SCML4: variants seen among roughly 807,000 people sequenced by gnomAD.
SCML4 encodes sex comb on midleg-like protein 4.
SCML4 carries 34 observed loss-of-function variants against 41.1 expected under a neutral mutation model. The observed-to-expected ratio is 0.83, with a 90% CI of 0.63 to 1.10. The LOEUF is 1.10. Ranked by LOEUF, SCML4 falls within the 50% of genes least tolerant of loss-of-function variation. The probability of loss-of-function intolerance (pLI) is 0.00; values close to 1 mark genes in which losing one functional copy is unlikely to be tolerated. For missense variants in SCML4, 522 were observed against 534.1 expected, an observed-to-expected ratio of 0.98 and a Z score of 0.22; for synonymous variants, 214 against 220.9, an observed-to-expected ratio of 0.97 and a Z score of 0.28.
intron 1 of SCML4, among the ~76,000 whole-genome samples, chr6:107,773,258 C>A (rs552667866): frequency 2.0e-5 from 3 of 152,230 alleles, no homozygotes; most frequent in African/African-American, 7.2e-5. Context: ...ATACCACACA[C>A]ACTACAATAA....
chr6:107,720,933 A>G lies in SCML4; in HGVS notation c.743T>C (p.Val248Ala). The stretch of plus-strand genomic sequence containing the variant: ...GTTAAAGGTGGAGGCGGAGGTGTCC[A>G]CGCTGTAGCGGTTCATGCCCACAGG... ...VNPVGMNRYS[V>A]DTSASTFNHR... The change falls in exon 6 of 8, where the codon GTG becomes GCG. Residue 248 changes from valine to alanine, a missense_variant. Physicochemically the swap from Val to Ala is moderately conservative, Grantham distance 64 (BLOSUM62 0). Coordinates refer to ENST00000369020, the MANE Select transcript of SCML4 (RefSeq NM_198081.5). The G allele has an allele frequency of 6.2e-7, 1 of 1,614,004 alleles. No individual in the cohort carries two copies. The highest frequency in any genetic ancestry group is 8.5e-7 in the Non-Finnish European group (1 of 1,179,942).
chr6:107,840,017 A>G, the SCML4 span, among the ~76,000 whole-genome samples: 1 of 152,250 alleles, frequency 6.6e-6, no homozygotes, highest in African/African-American at 2.4e-5. Flanking sequence ...CTTTTTACTC[A>G]TAATAAAAAT....
chr6:107,802,711 T>C (rs1183890125), intron 1 of SCML4, among the ~76,000 whole-genome samples: 111 of 128,146 alleles, frequency 8.7e-4, no homozygotes, highest in African/African-American at 3.9e-3. Context: ...CTCTCCCTCC[T>C]CTCCCTCTCC....
chr6:107,795,062 A>C (rs183034092), intron 1 of SCML4, among the ~76,000 whole-genome samples: 2 of 152,320 alleles, frequency 1.3e-5, no homozygotes, highest in African/African-American at 4.8e-5. Flanking sequence ...CCATTTCCAA[A>C]TAAGTTCACC....
intron 2 of SCML4, among the ~76,000 whole-genome samples, chr6:107,762,613 A>G (rs1434228702): frequency 6.6e-6 from 1 of 152,174 alleles, no homozygotes; most frequent in African/African-American, 2.4e-5. Flanking sequence ...GGAAATATGG[A>G]CGGAGAGGCA....
chr6:107,831,411 C>CCAAAAAAA, the SCML4 span, among the ~76,000 whole-genome samples: 4 of 107,494 alleles, frequency 3.7e-5, 1 homozygote, highest in Non-Finnish European at 5.5e-5. Flanking sequence ...TTTTCATTCT[C>CCAAAAAAA]AAAAAAAAAA....
At chr6:107,759,068 C>G (rs897823137) in intron 2 of SCML4, among the ~76,000 whole-genome samples, 1 of 138,294 alleles carries the variant, frequency 7.2e-6, no homozygotes, top group Non-Finnish European at 1.5e-5. Context: ...AAGAGGGTCA[C>G]TTGAGCTCAT....
upstream of SCML4, among the ~76,000 whole-genome samples, chr6:107,825,690 C>T (rs1241421015): frequency 1.1e-4 from 17 of 152,002 alleles, no homozygotes; most frequent in African/African-American, 2.4e-5. Context: ...CCTGTAATCC[C>T]AGCACTTTGG....
At chr6:107,827,653 G>C (rs1401683946), upstream of SCML4, among the ~76,000 whole-genome samples, 1 of 152,138 alleles carries the variant, frequency 6.6e-6, no homozygotes, top group African/African-American at 2.4e-5. Flanking sequence ...AGGGTGCTTA[G>C]GTTGTGCCAC....
intron 2 of SCML4, among the ~76,000 whole-genome samples, chr6:107,759,726 A>T (rs1473973904): frequency 6.6e-6 from 1 of 152,182 alleles, no homozygotes; most frequent in Non-Finnish European, 1.5e-5. Flanking sequence ...TAAGTTTCAA[A>T]ACATTCCTTC....
At chr6:107,787,310 A>T (rs1305070458) in intron 1 of SCML4, among the ~76,000 whole-genome samples, 1 of 152,164 alleles carries the variant, frequency 6.6e-6, no homozygotes, top group African/African-American at 2.4e-5. Flanking sequence ...TTTTTTGAAG[A>T]TTGCTAAAGA....
At chr6:107,782,346 G>A (rs749045971) in intron 1 of SCML4, among the ~76,000 whole-genome samples, 2 of 151,732 alleles carry the variant, frequency 1.3e-5, no homozygotes, top group Non-Finnish European at 3.0e-5. Flanking sequence ...CATCAGGCCT[G>A]CTTGTTGGGG....
the SCML4 span, among the ~76,000 whole-genome samples, chr6:107,845,894 C>T: frequency 1.3e-5 from 2 of 152,186 alleles, no homozygotes; most frequent in South Asian, 2.1e-4. Flanking sequence ...AACTCAGGTG[C>T]CACACGTGTT....
At chr6:107,748,690 A>C (rs937807052) in intron 3 of SCML4, among the ~76,000 whole-genome samples, 39 of 152,224 alleles carry the variant, frequency 2.6e-4, no homozygotes, top group Non-Finnish European at 5.1e-4. Context: ...CCCTGCCTTC[A>C]CAGAGCCTAC....
chr6:107,751,000 T>C (rs965241376), intron 2 of SCML4, among the ~76,000 whole-genome samples: 3 of 152,246 alleles, frequency 2.0e-5, no homozygotes, highest in Non-Finnish European at 2.9e-5. Flanking sequence ...CCAGTCATTC[T>C]ATATTCACTC....
chr6:107,702,195 AT>A lies in SCML4; in HGVS notation c.*3004del, dbSNP rs976707532. On this transcript the variant is annotated 3_prime_UTR_variant, in exon 8 of 8. Transcript: ENST00000369020. ...CAGCATTTATTTTAAGAGTAATGAGATTTTTAAAAAGTCAAACCTTAAATAT... is the reference window on the plus strand; with the variant it reads ...CAGCATTTATTTTAAGAGTAATGAGATTTTAAAAAGTCAAACCTTAAATAT... 5.3e-5 allele frequency among the ~76,000 whole-genome samples: 8 copies of A among 152,334 alleles called. No individual in the cohort carries two copies. The highest frequency in any genetic ancestry group is 5.2e-4 in the Admixed American group (8 of 15,304).
At chr6:107,706,093 A>G (rs1381844200) in intron 7 of SCML4, among the ~76,000 whole-genome samples, 4 of 152,178 alleles carry the variant, frequency 2.6e-5, no homozygotes, top group Non-Finnish European at 5.9e-5. Context: ...AGACATAGTT[A>G]CAGGATTCAT....
intron 1 of SCML4, among the ~76,000 whole-genome samples, chr6:107,788,294 G>A (rs560869531): frequency 1.2e-4 from 18 of 152,312 alleles, no homozygotes; most frequent in African/African-American, 3.1e-4. Context: ...CCTGTCAAAC[G>A]GAGACTTCAG....
intron 3 of SCML4, 24 bp downstream of exon 3, chr6:107,749,660 T>A (rs1278831076): frequency 6.2e-7 from 1 of 1,613,060 alleles, no homozygotes; most frequent in Non-Finnish European, 8.5e-7. Context: ...CATCACAGCC[T>A]TGGAGTTCAT....
Sources: gnomAD v4.1 joint callset for allele counts (sites outside exome capture counted in the v4.1 genomes callset) on GRCh38, gnomAD v4.1.1 for gene constraint, MANE v1.5 for transcripts, NCBI Gene and HGNC (gene_info 2026-07-23, HGNC 2026-07-21) for gene names.